PPIP5K1: variants seen among roughly 807,000 people sequenced by gnomAD.
PPIP5K1 encodes the protein diphosphoinositol pentakisphosphate kinase 1, also known as inositol hexakisphosphate and diphosphoinositol-pentakisphosphate kinase 1.
A neutral mutation model predicts 27.7 loss-of-function variants in PPIP5K1; 6 were observed. That is an observed-to-expected ratio of 0.22 (90% confidence interval 0.12 to 0.43). The LOEUF (loss-of-function observed/expected upper bound fraction) is 0.43, where lower values mean the gene tolerates loss of function less well. PPIP5K1 is among the 20% of genes least tolerant of loss of function. The pLI is 1.00. For synonymous variants in PPIP5K1, 145 were observed against 242.6 expected, an observed-to-expected ratio of 0.60 and a Z score of 3.74; for missense variants, 394 against 635.4, an observed-to-expected ratio of 0.62 and a Z score of 4.08.
At chr15:43,537,994 A>G (rs1249523954) in intron 31 of PPIP5K1, among the ~76,000 whole-genome samples, 5 of 152,110 alleles carry the variant, frequency 3.3e-5, no homozygotes, top group Non-Finnish European at 5.9e-5. Flanking sequence ...GAGAAGGGTA[A>G]GATTTCCAGG....
At chr15:43,539,711 TGG>T in intron 30 of PPIP5K1, 128 bp from the exon 31 acceptor site, 1 of 608,100 alleles carries the variant, frequency 1.6e-6, no homozygotes, top group Non-Finnish European at 3.0e-6. Context: ...TAGCATTTCC[TGG>T]GGACCCTTCA....
chr15:43,552,108 C>T (rs1392586285), intron 30 of PPIP5K1, among the ~76,000 whole-genome samples: 6 of 152,004 alleles, frequency 3.9e-5, no homozygotes, highest in African/African-American at 9.7e-5. Flanking sequence ...TTTGCACCAC[C>T]GCACTTGGCT....
intron 31 of PPIP5K1, among the ~76,000 whole-genome samples, chr15:43,538,985 C>G (rs748238732): frequency 5.3e-4 from 80 of 152,012 alleles, no homozygotes; most frequent in Middle Eastern, 3.2e-3. Flanking sequence ...CTGAGGCAGG[C>G]GGGTCACCTG....
intron 30 of PPIP5K1, among the ~76,000 whole-genome samples, chr15:43,555,761 A>T (rs1046647299): frequency 5.9e-5 from 9 of 151,992 alleles, no homozygotes; most frequent in African/African-American, 2.2e-4. Flanking sequence ...GCATGCCACC[A>T]TGCCCGGCTA....
intron 30 of PPIP5K1, among the ~76,000 whole-genome samples, chr15:43,547,290 T>C (rs1343264401): frequency 6.6e-6 from 1 of 152,238 alleles, no homozygotes; most frequent in Admixed American, 6.5e-5. Flanking sequence ...GATATAATAT[T>C]TGTAAATATT....
intron 30 of PPIP5K1, among the ~76,000 whole-genome samples, chr15:43,550,612 T>C (rs1336527153): frequency 6.6e-6 from 1 of 152,240 alleles, no homozygotes; most frequent in Non-Finnish European, 1.5e-5. Flanking sequence ...TGGATATTTT[T>C]TTTTCCTTGC....
At chr15:43,550,782 T>C (rs929584341) in intron 30 of PPIP5K1, among the ~76,000 whole-genome samples, 4 of 152,234 alleles carry the variant, frequency 2.6e-5, no homozygotes, top group Non-Finnish European at 4.4e-5. Context: ...AGTTCCCTTC[T>C]ATTCCTAGTT....
At chr15:43,547,817 T>A (rs2081562803) in intron 30 of PPIP5K1, among the ~76,000 whole-genome samples, 1 of 152,210 alleles carries the variant, frequency 6.6e-6, no homozygotes, top group Non-Finnish European at 1.5e-5. Context: ...TTCAAGATTC[T>A]TTTGGCTGTT....
chr15:43,556,921 T>C (rs563369384), intron 30 of PPIP5K1, among the ~76,000 whole-genome samples: 6 of 152,232 alleles, frequency 3.9e-5, no homozygotes, highest in African/African-American at 9.6e-5. Flanking sequence ...TCCTGGTTAC[T>C]GAAAATCTTT....
chr15:43,557,669 C>T (rs2083168775), intron 30 of PPIP5K1, among the ~76,000 whole-genome samples: 1 of 151,876 alleles, frequency 6.6e-6, no homozygotes, highest in Non-Finnish European at 1.5e-5. Flanking sequence ...CTCTCTCTCT[C>T]TCTCTCTCTT....
At chr15:43,548,855 G>A (rs1345900483) in intron 30 of PPIP5K1, among the ~76,000 whole-genome samples, 1 of 150,568 alleles carries the variant, frequency 6.6e-6, no homozygotes, top group Non-Finnish European at 1.5e-5. Flanking sequence ...GTGAAACCCT[G>A]TCTCTACTAA....
chr15:43,547,209 GTCAAT>G (rs1426219682), intron 30 of PPIP5K1, among the ~76,000 whole-genome samples: 1 of 152,160 alleles, frequency 6.6e-6, no homozygotes, highest in Non-Finnish European at 1.5e-5. Flanking sequence ...TTTGGAGAAT[GTCAAT>G]TCAAGTCCTT....
intron 30 of PPIP5K1, among the ~76,000 whole-genome samples, chr15:43,539,833 TAG>T (rs1489043693): frequency 1.3e-5 from 2 of 152,230 alleles, no homozygotes; most frequent in East Asian, 3.8e-4. Context: ...ACCCGTCTCC[TAG>T]ATTTAACACA....
intron 30 of PPIP5K1, 89 bp from the exon 31 acceptor site, chr15:43,539,672 A>G: frequency 1.3e-6 from 1 of 785,696 alleles, no homozygotes; most frequent in Non-Finnish European, 2.1e-6. Context: ...CATAAGTCAA[A>G]GCCAACTTAC....
chr15:43,558,973 CAG>C (rs1484518859), intron 29 of PPIP5K1, 41 bp from the exon 30 acceptor site: 4 of 1,608,794 alleles, frequency 2.5e-6, no homozygotes, highest in Non-Finnish European at 3.4e-6. Flanking sequence ...TTACTCCTGC[CAG>C]ATATACCCCA....
chr15:43,547,928 T>C (rs1171036248), intron 30 of PPIP5K1, among the ~76,000 whole-genome samples: 1 of 152,346 alleles, frequency 6.6e-6, no homozygotes, highest in South Asian at 2.1e-4. Flanking sequence ...AATCCATAGA[T>C]CGCTTTGGGG....
rs570891632 is a variant in PPIP5K1, at chr15:43,540,526, G to A, written c.3557-943C>T. ...AGCCTGACCAACATGGTGAAACCCCGTCTCTACTAAAAATACAAAAATTAG... is the reference window on the plus strand; with the variant it reads ...AGCCTGACCAACATGGTGAAACCCCATCTCTACTAAAAATACAAAAATTAG... On this transcript the variant is annotated intron_variant, in intron 30 of 31. Transcript: ENST00000420765. 8.6e-5 allele frequency among the ~76,000 whole-genome samples: 13 copies of A among 151,438 alleles called. No homozygotes were observed. The East Asian group carries it at 1.6e-3, about 18-fold the overall frequency.
intron 30 of PPIP5K1, among the ~76,000 whole-genome samples, chr15:43,557,140 G>T (rs192240517): frequency 2.6e-5 from 4 of 152,002 alleles, no homozygotes; most frequent in African/African-American, 4.8e-5. Context: ...TTTACCCCCC[G>T]TCCATTTACT....
At chr15:43,551,409 T>C (rs1248914118) in intron 30 of PPIP5K1, among the ~76,000 whole-genome samples, 2 of 151,028 alleles carry the variant, frequency 1.3e-5, no homozygotes, top group African/African-American at 4.9e-5. Flanking sequence ...TCCCAGCTAC[T>C]TGGGAGGCTG....
Sources: allele counts gnomAD v4.1 joint callset (sites outside exome capture counted in the v4.1 genomes callset), GRCh38; gene constraint gnomAD v4.1.1; transcripts MANE v1.5; gene names NCBI Gene and HGNC (gene_info 2026-07-23, HGNC 2026-07-21).